Variants in HECW1 observed in about 807,000 individuals in gnomAD.
The protein encoded by HECW1 is HECT, C2 and WW domain containing E3 ubiquitin protein ligase 1, also known as E3 ubiquitin-protein ligase HECW1.
In HECW1, 61 loss-of-function variants were observed where a neutral mutation model predicts 182.3. The ratio of observed to expected loss-of-function variants is 0.33; its 90% CI spans 0.27 to 0.41. The LOEUF (loss-of-function observed/expected upper bound fraction) is 0.41. Among genes scored for constraint, HECW1 ranks in the 10% least tolerant of loss-of-function variants. HECW1 has a pLI of 1.00. For missense variants in HECW1, 1,739 were observed against 2,108.9 expected (o/e 0.82, Z 3.44); for synonymous variants, 859 against 832.6 (o/e 1.03, Z -0.55).
intron 3 of HECW1, among the ~76,000 whole-genome samples, chr7:43,276,746 G>A (rs528339610): frequency 3.9e-5 from 6 of 152,268 alleles, no homozygotes; most frequent in East Asian, 1.9e-4. Context: ...TTTATAGTAC[G>A]TACAAAATTA....
At chr7:43,518,971 A>C (rs1261907988) in intron 24 of HECW1, among the ~76,000 whole-genome samples, 2 of 152,288 alleles carry the variant, frequency 1.3e-5, no homozygotes, top group South Asian at 4.2e-4. Context: ...TATAAACTAA[A>C]ATTTTTAAAA....
intron 2 of HECW1, among the ~76,000 whole-genome samples, chr7:43,225,890 C>G (rs1797380565): frequency 6.6e-6 from 1 of 152,044 alleles, no homozygotes; most frequent in Non-Finnish European, 1.5e-5. Context: ...CCTGCCTCAG[C>G]CTCCTGAGTA....
At chr7:43,437,112 C>G (rs10235629) in intron 8 of HECW1, among the ~76,000 whole-genome samples, 132,222 of 152,238 alleles carry the variant, frequency 0.87, 57,778 homozygotes, top group African/African-American at 0.97. Context: ...ACTTCCTGGA[C>G]TTCAGTTTGG....
intron 3 of HECW1, among the ~76,000 whole-genome samples, chr7:43,272,166 A>C (rs1263387977): frequency 6.6e-6 from 1 of 152,068 alleles, no homozygotes; most frequent in Non-Finnish European, 1.5e-5. Context: ...CTGAATCCCT[A>C]TCTCTCACCA....
At chr7:43,268,489 ACTT>A (rs1802030259) in intron 3 of HECW1, among the ~76,000 whole-genome samples, 1 of 152,202 alleles carries the variant, frequency 6.6e-6, no homozygotes, top group Admixed American at 6.5e-5. Flanking sequence ...CATTGTCATG[ACTT>A]GGACATGCTA....
chr7:43,425,650 T>C (rs1360752816), intron 8 of HECW1, among the ~76,000 whole-genome samples: 1 of 152,152 alleles, frequency 6.6e-6, no homozygotes, highest in Non-Finnish European at 1.5e-5. Flanking sequence ...TCCAGTAGCA[T>C]GGCACTGGCA....
rs1052575839 is a variant in HECW1, at chr7:43,283,281, C to T, written c.28-28482C>T. Among the ~76,000 whole-genome samples, 4 of 151,964 alleles carry T rather than the reference C, an allele frequency of 2.6e-5. No homozygotes were observed. In the South Asian group the frequency reaches 6.3e-4, roughly 24 times the overall value. On this transcript the variant is annotated intron_variant, in intron 3 of 29. Coordinates refer to ENST00000395891, the MANE Select transcript of HECW1 (RefSeq NM_015052.5). Reference sequence around the variant, plus strand: ...TATTTGACCTTTTCACTCTCATTATCTCACGAGTGAACACCGGAGTTTTTC... The same window carrying T: ...TATTTGACCTTTTCACTCTCATTATTTCACGAGTGAACACCGGAGTTTTTC...
intron 3 of HECW1, among the ~76,000 whole-genome samples, chr7:43,286,652 C>T (rs970491471): frequency 1.6e-4 from 24 of 151,942 alleles, no homozygotes; most frequent in Middle Eastern, 3.2e-3. Context: ...TTTTTGTGCC[C>T]GGTAAAAGTT....
chr7:43,164,295 A>G (rs1465624347), intron 2 of HECW1, among the ~76,000 whole-genome samples: 1 of 152,236 alleles, frequency 6.6e-6, no homozygotes, highest in Non-Finnish European at 1.5e-5. Flanking sequence ...TGATTTATTT[A>G]TGCCTCAATT....
chr7:43,408,800 T>C (rs2075699249), intron 8 of HECW1, among the ~76,000 whole-genome samples: 1 of 152,154 alleles, frequency 6.6e-6, no homozygotes, highest in Non-Finnish European at 1.5e-5. Flanking sequence ...GAGGCCTAGG[T>C]CATGAGAGTG....
chr7:43,460,237 C>A (rs147747815), intron 13 of HECW1, among the ~76,000 whole-genome samples: 2 of 152,310 alleles, frequency 1.3e-5, no homozygotes, highest in African/African-American at 4.8e-5. Context: ...TTAGACATTG[C>A]GGTTCTAGGG....
intron 17 of HECW1, among the ~76,000 whole-genome samples, chr7:43,488,357 A>C (rs1380476157): frequency 8.0e-6 from 1 of 124,886 alleles, no homozygotes; most frequent in Non-Finnish European, 1.7e-5. Flanking sequence ...GAAGGAAGGA[A>C]GGAAGGAAGG....
intron 2 of HECW1, among the ~76,000 whole-genome samples, chr7:43,116,579 C>T (rs938476673): frequency 6.6e-6 from 1 of 152,210 alleles, no homozygotes; most frequent in Non-Finnish European, 1.5e-5. Flanking sequence ...TGGCAGGTTT[C>T]TAGACTAACA....
intron 8 of HECW1, among the ~76,000 whole-genome samples, chr7:43,431,737 A>C (rs1244136209): frequency 6.6e-6 from 1 of 152,166 alleles, no homozygotes; most frequent in Non-Finnish European, 1.5e-5. Context: ...ATCCACAACA[A>C]GATTCTCCAG....
chr7:43,477,699 T>C (rs2078270852), intron 16 of HECW1, among the ~76,000 whole-genome samples: 1 of 152,122 alleles, frequency 6.6e-6, no homozygotes, highest in Non-Finnish European at 1.5e-5. Flanking sequence ...AGTGTTGTTA[T>C]TTACCTTTTT....
rs2076994207 is a variant in HECW1 at position 43,444,826 on chromosome 7, G to C, written c.1654G>C (p.Asp552His). ...GACGGTGATCGCGTCAGCCTGCGGG[G>C]ACCCCGAGACCCCGCGGACACACTA... ...LETVIASACG[D>H]PETPRTHYIR... Residue 552 changes from aspartate (D) to histidine (H), a missense_variant, in exon 11 of 30, where the codon GAC (aspartate) becomes CAC (histidine). Coordinates refer to ENST00000395891, the MANE Select transcript of HECW1 (RefSeq NM_015052.5). The surrounding 1 kb of genome is among the most constrained non-coding windows in gnomAD (Gnocchi z 4.3). 4 of 1,613,778 alleles carry C rather than the reference G, an allele frequency of 2.5e-6. No homozygotes were observed. The Admixed American group carries it at 6.7e-5, about 27-fold the overall frequency.
chr7:43,312,047 G>T lies in HECW1; in HGVS notation c.312G>T (p.Glu104Asp). ...TGGTCATCCACTGGGACATAAAGGA[G>T]GAAGTGGACGCTGGGGACTGGATTG... ...QDLVIHWDIK[E>D]EVDAGDWIGM... The change falls in exon 4 of 30, where the codon GAG becomes GAT. Residue 104 changes from glutamate (E) to aspartate (D), a missense_variant. Glu to Asp is a conservative substitution (Grantham distance 45). This residue lies in a region of HECW1 where 279 missense variants were observed against 353.1 expected (regional missense o/e 0.79). Transcript: ENST00000395891. 6.2e-7 allele frequency: 1 copy of T among 1,614,242 alleles called. No individual in the cohort carries two copies. The highest frequency in any genetic ancestry group is 1.7e-5 in the Admixed American group (1 of 60,034).
At chr7:43,147,052 G>A (rs1281688192) in intron 2 of HECW1, among the ~76,000 whole-genome samples, 1 of 152,172 alleles carries the variant, frequency 6.6e-6, no homozygotes, top group African/African-American at 2.4e-5. Flanking sequence ...CCAGCAGTGG[G>A]TAATGGAAAT....
chr7:43,217,946 G>T (rs375714495), intron 2 of HECW1, among the ~76,000 whole-genome samples: 1 of 151,916 alleles, frequency 6.6e-6, no homozygotes, highest in African/African-American at 2.4e-5. Flanking sequence ...TGGGGCTGGA[G>T]AGTGCAGGAT....
Sources: gnomAD v4.1 joint callset for allele counts (sites outside exome capture counted in the v4.1 genomes callset) on GRCh38, gnomAD v4.1.1 for gene constraint, gnomAD v4.1.1 regional missense constraint, Gnocchi (gnomAD v3.1) non-coding constraint, MANE v1.5 for transcripts, NCBI Gene and HGNC (gene_info 2026-07-23, HGNC 2026-07-21) for gene names.